The following MAN1A1 variants were observed in gnomAD, a reference collection of about 807,000 sequenced individuals.
MAN1A1 encodes mannosidase alpha class 1A member 1.
MAN1A1 carries 29 observed loss-of-function variants against 70.8 expected under a neutral mutation model. That is an observed-to-expected ratio of 0.41 (90% CI 0.31 to 0.56). MAN1A1 has a LOEUF of 0.56. Among genes scored for constraint, MAN1A1 ranks in the 20% least tolerant of loss-of-function variants. The probability of loss-of-function intolerance (pLI) is 0.29; values close to 1 mark genes in which losing one functional copy is unlikely to be tolerated. For synonymous variants in MAN1A1, 349 were observed against 330.1 expected, an observed-to-expected ratio of 1.06 and a Z score of -0.62; for missense variants, 747 against 841.3, an observed-to-expected ratio of 0.89 and a Z score of 1.39.
intron 11 of MAN1A1, among the ~76,000 whole-genome samples, chr6:119,185,588 T>C (rs1582676138): frequency 6.6e-6 from 1 of 152,080 alleles, no homozygotes; most frequent in South Asian, 2.1e-4. Context: ...TTTTCTTTAT[T>C]TTTTTGGAGT....
At chr6:119,262,740 A>T (rs1775644022) in intron 5 of MAN1A1, among the ~76,000 whole-genome samples, 1 of 152,238 alleles carries the variant, frequency 6.6e-6, no homozygotes, top group Non-Finnish European at 1.5e-5. Flanking sequence ...GCTCATCAGC[A>T]GTAGACTAGA....
At chr6:119,230,536 T>C (rs1423537745) in intron 6 of MAN1A1, among the ~76,000 whole-genome samples, 1 of 151,684 alleles carries the variant, frequency 6.6e-6, no homozygotes, top group Non-Finnish European at 1.5e-5. Flanking sequence ...TCTCTTCTCT[T>C]CCCCTAGCTC....
At chr6:119,247,828 G>A (rs1775208839) in intron 6 of MAN1A1, among the ~76,000 whole-genome samples, 1 of 152,158 alleles carries the variant, frequency 6.6e-6, no homozygotes. Context: ...TTTTATGGGG[G>A]ATCTGATTAG....
At chr6:119,295,356 C>T (rs568911896) in intron 4 of MAN1A1, among the ~76,000 whole-genome samples, 64 of 152,226 alleles carry the variant, frequency 4.2e-4, no homozygotes, top group African/African-American at 1.5e-3. Flanking sequence ...AAATAACAGG[C>T]TTGACAATGA....
chr6:119,242,253 C>T (rs1005354192), intron 6 of MAN1A1, among the ~76,000 whole-genome samples: 4 of 152,094 alleles, frequency 2.6e-5, no homozygotes, highest in Non-Finnish European at 2.9e-5. Context: ...ACCTAATCGG[C>T]TGAACAGTTC....
At chr6:119,252,911 C>G (rs1237989202) in intron 5 of MAN1A1, among the ~76,000 whole-genome samples, 2 of 152,140 alleles carry the variant, frequency 1.3e-5, no homozygotes, top group East Asian at 3.8e-4. Flanking sequence ...GAAGCTGATC[C>G]TCTTACAACT....
At chr6:119,267,593 A>AT in intron 5 of MAN1A1, among the ~76,000 whole-genome samples, 1 of 152,332 alleles carries the variant, frequency 6.6e-6, no homozygotes, top group East Asian at 1.9e-4. Context: ...GTGTAACATT[A>AT]TAAGACACAT....
chr6:119,317,106 G>C (rs1772874677), intron 2 of MAN1A1, among the ~76,000 whole-genome samples: 1 of 151,860 alleles, frequency 6.6e-6, no homozygotes, highest in African/African-American at 2.4e-5. Context: ...AGAAGTTTTA[G>C]ATGCACAGCA....
chr6:119,280,044 C>A (rs1332581951), intron 5 of MAN1A1, among the ~76,000 whole-genome samples: 1 of 152,196 alleles, frequency 6.6e-6, no homozygotes, highest in Non-Finnish European at 1.5e-5. Context: ...AGTTTCCCTC[C>A]TACTTCCCAG....
In MAN1A1 at chr6:119,213,767, C is replaced by T. The variant is rs577977834; in HGVS notation, c.993-8885G>A. Among the ~76,000 whole-genome samples the T allele has an allele frequency of 7.2e-5, 11 of 152,240 alleles. No individual in the cohort carries two copies. In the South Asian group the frequency reaches 2.3e-3, roughly 32 times the overall value. ...TGCTGCATTTGTAATAAGGCAGCGA[C>T]AAATCCATTTCTAACATATCACGGT... On this transcript the variant is annotated intron_variant, in intron 6 of 12. Coordinates refer to ENST00000368468, the MANE Select transcript of MAN1A1 (RefSeq NM_005907.4).
intron 11 of MAN1A1, among the ~76,000 whole-genome samples, chr6:119,187,959 T>C (rs1418238981): frequency 1.3e-5 from 2 of 152,254 alleles, no homozygotes; most frequent in Admixed American, 6.5e-5. Context: ...AATTCTTCTA[T>C]AAGTGCTTTC....
chr6:119,296,907 G>A (rs191086834), intron 4 of MAN1A1, among the ~76,000 whole-genome samples: 7 of 152,252 alleles, frequency 4.6e-5, no homozygotes, highest in Admixed American at 3.9e-4. Context: ...CTGAGATATC[G>A]CTTTACTGCA....
chr6:119,208,063 G>A (rs1044259701), intron 6 of MAN1A1, among the ~76,000 whole-genome samples: 1 of 152,044 alleles, frequency 6.6e-6, no homozygotes, highest in Non-Finnish European at 1.5e-5. Flanking sequence ...CATAAGACAG[G>A]CATGAAAGGA....
At chr6:119,242,216 C>T (rs1323096123) in intron 6 of MAN1A1, among the ~76,000 whole-genome samples, 12 of 152,206 alleles carry the variant, frequency 7.9e-5, no homozygotes, top group African/African-American at 2.6e-4. Flanking sequence ...AAGAACATAA[C>T]TCTGGATTGC....
chr6:119,255,429 G>T (rs542699314), intron 5 of MAN1A1, among the ~76,000 whole-genome samples: 1 of 152,346 alleles, frequency 6.6e-6, no homozygotes, highest in Non-Finnish European at 1.5e-5. Context: ...TATACTGTTA[G>T]TTGAGTTGAT....
At chr6:119,225,409 GA>G (rs1209236151) in intron 6 of MAN1A1, among the ~76,000 whole-genome samples, 11 of 119,622 alleles carry the variant, frequency 9.2e-5, no homozygotes, top group South Asian at 3.2e-4. Flanking sequence ...GAGAGAGACA[GA>G]GAGAGAAAGA....
At chr6:119,285,608 CTTT>C (rs35665082) in intron 5 of MAN1A1, among the ~76,000 whole-genome samples, 1 of 144,672 alleles carries the variant, frequency 6.9e-6, no homozygotes. Context: ...GTTTTCAATT[CTTT>C]TTTTTTTTTT....
chr6:119,262,654 T>C (rs1245177423), intron 5 of MAN1A1, among the ~76,000 whole-genome samples: 1 of 152,168 alleles, frequency 6.6e-6, no homozygotes, highest in East Asian at 1.9e-4. Context: ...GAATATAAAT[T>C]GTTCTACCAT....
At position 119,216,870 on chromosome 6, in the gene MAN1A1, G is replaced by A. The variant is rs1426009403; in HGVS notation, c.993-11988C>T. ...CATGTTGTTGTATACTGTGTTTGCT[G>A]AAAACAGAAAGTATCCTGGTGCTCT... On this transcript the variant is annotated intron_variant, in intron 6 of 12. Coordinates refer to ENST00000368468, the MANE Select transcript of MAN1A1 (RefSeq NM_005907.4). 3.9e-5 allele frequency among the ~76,000 whole-genome samples: 6 copies of A among 152,314 alleles called. No individual in the cohort carries two copies. The East Asian group carries it at 1.2e-3, about 29-fold the overall frequency.
Sources: allele counts gnomAD v4.1 joint callset (sites outside exome capture counted in the v4.1 genomes callset), GRCh38; gene constraint gnomAD v4.1.1; transcripts MANE v1.5; gene names NCBI Gene and HGNC (gene_info 2026-07-23, HGNC 2026-07-21).